The following KCNIP4 variants were observed in gnomAD, a reference collection of about 807,000 sequenced individuals.
The protein encoded by KCNIP4 is Kv channel-interacting protein 4.
In KCNIP4, 12 loss-of-function variants were observed where a neutral mutation model predicts 34.0. The ratio of observed to expected loss-of-function variants is 0.35; its 90% CI spans 0.23 to 0.57. The LOEUF is 0.57. Ranked by LOEUF, KCNIP4 falls within the 20% of genes least tolerant of loss-of-function variation. The pLI is 0.83. For missense variants in KCNIP4, 238 were observed against 311.7 expected (o/e 0.76, Z 1.78); for synonymous variants, 124 against 102.2 (o/e 1.21, Z -1.29).
chr4:21,252,686 A>T (rs1013163530), intron 1 of KCNIP4, among the ~76,000 whole-genome samples: 3 of 151,980 alleles, frequency 2.0e-5, no homozygotes, highest in African/African-American at 7.3e-5. Flanking sequence ...CATGACCCTG[A>T]TAGAAAACTC....
intron 1 of KCNIP4, among the ~76,000 whole-genome samples, chr4:20,915,498 A>G (rs190647548): frequency 3.5e-3 from 527 of 152,340 alleles, no homozygotes; most frequent in Non-Finnish European, 6.2e-3. Flanking sequence ...TTAATACAAC[A>G]TATTAATTTT....
chr4:20,779,275 G>A (rs1756641293), intron 3 of KCNIP4, among the ~76,000 whole-genome samples: 1 of 152,096 alleles, frequency 6.6e-6, no homozygotes, highest in Admixed American at 6.6e-5. Flanking sequence ...GGAATCAGAA[G>A]AGCTGTAAGG....
intron 1 of KCNIP4, among the ~76,000 whole-genome samples, chr4:21,853,452 T>C (rs960959921): frequency 6.6e-6 from 1 of 152,176 alleles, no homozygotes; most frequent in African/African-American, 2.4e-5. Context: ...TTCCTACTTA[T>C]TAGAGAAACT....
chr4:20,945,760 C>T (rs10938821), intron 1 of KCNIP4, among the ~76,000 whole-genome samples: 1 of 151,956 alleles, frequency 6.6e-6, no homozygotes, highest in African/African-American at 2.4e-5. Context: ...CCAGGGACTC[C>T]CCGACATGTT....
chr4:20,797,774 G>C (rs1299416541), intron 3 of KCNIP4, among the ~76,000 whole-genome samples: 2 of 152,192 alleles, frequency 1.3e-5, no homozygotes, highest in Admixed American at 1.3e-4. Flanking sequence ...AGGGAATTAG[G>C]AAACTCAGTA....
At chr4:21,120,325 T>C (rs779533462) in intron 1 of KCNIP4, among the ~76,000 whole-genome samples, 1 of 152,194 alleles carries the variant, frequency 6.6e-6, no homozygotes, top group Non-Finnish European at 1.5e-5. Flanking sequence ...AAGCTGTAAG[T>C]CCAAGATTAA....
chr4:20,775,536 TAAAAA>T (rs4054941), intron 3 of KCNIP4, among the ~76,000 whole-genome samples: 20 of 126,858 alleles, frequency 1.6e-4, no homozygotes, highest in Non-Finnish European at 2.4e-4. Flanking sequence ...CTCAGTTTCT[TAAAAA>T]AAAAAAAAAA....
intron 1 of KCNIP4, among the ~76,000 whole-genome samples, chr4:21,140,510 C>G (rs1262836185): frequency 6.6e-6 from 1 of 151,972 alleles, no homozygotes; most frequent in African/African-American, 2.4e-5. Flanking sequence ...TCCTCTGTGC[C>G]TCGATTTTAA....
intron 1 of KCNIP4, among the ~76,000 whole-genome samples, chr4:21,052,170 T>C (rs1742994985): frequency 6.6e-6 from 1 of 152,192 alleles, no homozygotes. Context: ...TCTAGCATTT[T>C]AGATAAATCG....
At chr4:20,989,413 G>A (rs1736884252) in intron 1 of KCNIP4, among the ~76,000 whole-genome samples, 1 of 152,178 alleles carries the variant, frequency 6.6e-6, no homozygotes, top group African/African-American at 2.4e-5. Context: ...GGACACAGGT[G>A]GCTTTGAATC....
At chr4:21,377,958 A>T (rs951666920) in intron 1 of KCNIP4, among the ~76,000 whole-genome samples, 4 of 152,152 alleles carry the variant, frequency 2.6e-5, no homozygotes, top group Admixed American at 2.6e-4. Flanking sequence ...ATTTGTGCGT[A>T]GTGGTGGTGG....
intron 1 of KCNIP4, among the ~76,000 whole-genome samples, chr4:20,918,686 T>C (rs1729089820): frequency 6.6e-6 from 1 of 152,194 alleles, no homozygotes; most frequent in African/African-American, 2.4e-5. Flanking sequence ...GGTCTCACCC[T>C]GCCCTCTTCT....
intron 1 of KCNIP4, among the ~76,000 whole-genome samples, chr4:21,488,356 A>G (rs1732095282): frequency 6.6e-6 from 1 of 152,158 alleles, no homozygotes; most frequent in South Asian, 2.1e-4. Flanking sequence ...AGAATTATTA[A>G]CTGTGTCCCC....
chr4:21,409,554 GA>G (rs1724305331), intron 1 of KCNIP4, among the ~76,000 whole-genome samples: 1 of 152,066 alleles, frequency 6.6e-6, no homozygotes, highest in Admixed American at 6.6e-5. Flanking sequence ...GTGCAGAAAA[GA>G]AAAAATAATA....
rs1335390994 is a variant in KCNIP4, at chr4:20,731,046, ATTTC to A, written c.706-921_706-918del. 3.9e-5 allele frequency among the ~76,000 whole-genome samples: 6 copies of A among 152,158 alleles called. 1 individual carries two copies. In the Middle Eastern group the frequency reaches 0.014, roughly 345 times the overall value. ...AAGAGAAAAACTAAAGAAACAACGG[ATTTC>A]TTTGTTTTCAGGATTATTTGAAAAA... On this transcript the variant is annotated intron_variant, in intron 8 of 8. Coordinates refer to ENST00000382152, the MANE Select transcript of KCNIP4 (RefSeq NM_025221.6).
chr4:20,916,973 A>G (rs1728874288), intron 1 of KCNIP4, among the ~76,000 whole-genome samples: 1 of 62,446 alleles, frequency 1.6e-5, no homozygotes, highest in Non-Finnish European at 3.2e-5. Flanking sequence ...TCCACCATTG[A>G]CCATCTTATG....
chr4:21,091,502 T>C (rs1320882027), intron 1 of KCNIP4, among the ~76,000 whole-genome samples: 1 of 152,178 alleles, frequency 6.6e-6, no homozygotes, highest in Non-Finnish European at 1.5e-5. Context: ...AACTAGTAAA[T>C]CCCTTTACCG....
rs367553482 is a variant in KCNIP4, at chr4:21,370,882, C to CACGTGT, written c.62-488174_62-488173insACACGT. Among the ~76,000 whole-genome samples, 195 of 39,292 alleles carry CACGTGT rather than the reference C, an allele frequency of 5.0e-3. 8 individuals are homozygous for CACGTGT. The highest frequency in any genetic ancestry group is 0.019 in the Middle Eastern group (1 of 52). The allele number at this position is 39,292 out of a possible 152,430, so 25.8% of individuals were successfully genotyped here. A position where few individuals can be genotyped will look rare whatever the true frequency, so the allele number is the denominator to read the frequency against. ...ACACACACACACACACACACACACA[C>CACGTGT]GTGTGTGTGTGTGTGTGTGTATTAG... On this transcript the variant is annotated intron_variant, in intron 1 of 8. Transcript: ENST00000382152.
At chr4:21,871,481 T>C (rs944872717) in intron 1 of KCNIP4, among the ~76,000 whole-genome samples, 2 of 151,770 alleles carry the variant, frequency 1.3e-5, no homozygotes. Flanking sequence ...GATGAGTTAA[T>C]GTCCTTTGTA....
Sources: allele counts gnomAD v4.1 joint callset (sites outside exome capture counted in the v4.1 genomes callset), GRCh38; gene constraint gnomAD v4.1.1; transcripts MANE v1.5; gene names NCBI Gene and HGNC (gene_info 2026-07-23, HGNC 2026-07-21).